Variants in RRP8 observed in about 807,000 individuals in gnomAD.
RRP8 encodes the protein ribosomal RNA-processing protein 8.
Under a neutral mutation model 45.0 loss-of-function variants are expected in RRP8, and 48 were observed. The observed-to-expected ratio is 1.07, with a 90% CI of 0.85 to 1.36. The LOEUF (loss-of-function observed/expected upper bound fraction) is 1.36, where lower values mean the gene tolerates loss of function less well. RRP8 is among the 40% of genes most tolerant of loss of function. The pLI is 0.00. For missense variants in RRP8, 658 were observed against 573.7 expected (o/e 1.15, Z -1.50); for synonymous variants, 274 against 212.4 (o/e 1.29, Z -2.52).
chr11:6,601,447 C>G lies in RRP8; in HGVS notation c.619G>C (p.Val207Leu), dbSNP rs748141989. 6 of 1,614,016 alleles carry G rather than the reference C, an allele frequency of 3.7e-6. No individual in the cohort carries two copies. The highest frequency in any genetic ancestry group is 5.1e-6 in the Non-Finnish European group (6 of 1,180,046). Residue 207 changes from valine to leucine, a missense_variant, in exon 3 of 7, where the codon GTG becomes CTG. Transcript: ENST00000254605. Reference protein sequence around the residue: ...RCKNKFQPPQVPDQAPAEAPT... With the variant: ...RCKNKFQPPQLPDQAPAEAPT... ...GCCTCAGCTGGGGCCTGGTCTGGCACCTGAGGTGGCTGAAACTTGTTCTTA... is the reference window on the plus strand; with the variant it reads ...GCCTCAGCTGGGGCCTGGTCTGGCAGCTGAGGTGGCTGAAACTTGTTCTTA...
chr11:6,600,158 G>T lies in RRP8; in HGVS notation c.1359C>A (p.Tyr453Ter). The T allele has an allele frequency of 6.3e-7, 1 of 1,593,608 alleles. No homozygotes were observed. Among genetic ancestry groups the T allele is most frequent in the Non-Finnish European group, 8.5e-7 (1 of 1,171,294 alleles). ...GAAGATCCAGAGGTCACCTGCGCTT[G>T]TAGAGACATGGCTGAAGCTGCAGGC... ...LSGLQLQPCL[Y>*]KRR Residue 453 changes from tyrosine to a stop codon, truncating the protein, a stop_gained, in exon 7 of 7, where the codon TAC becomes TAA. Transcript: ENST00000254605. LOFTEE classifies it high-confidence loss of function.
At position 6,598,805 on chromosome 11, in the gene RRP8, G is replaced by C. The variant is rs958634793; in HGVS notation, c.*1341C>G. On this transcript the variant is annotated 3_prime_UTR_variant, in exon 7 of 7. Transcript: ENST00000254605. The stretch of plus-strand genomic sequence containing the variant: ...CATAGAACCTATGATCTCCCAATGG[G>C]TACTGTCAGGTATTCCTGGAAACAA... 1 of 152,204 alleles carries C rather than the reference G, an allele frequency of 6.6e-6. No individual in the cohort carries two copies. The highest frequency in any genetic ancestry group is 2.4e-5 in the African/African-American group (1 of 41,432). 9.4% of individuals were successfully genotyped at this position (152,204 alleles called of 1,614,324 possible). A position where few individuals can be genotyped will look rare whatever the true frequency, so the allele number is the denominator to read the frequency against.
intron 2 of RRP8, 118 bp from the exon 3 acceptor site, chr11:6,601,720 G>A (rs12420597): frequency 0.012 from 17,133 of 1,478,134 alleles, 323 homozygotes; most frequent in South Asian, 0.061. Context: ...CTGCAGAGAA[G>A]TACTTCTTAT....
At position 6,601,200 on chromosome 11, in the gene RRP8, T is replaced by C. The variant is rs898704199; in HGVS notation, c.866A>G (p.Lys289Arg). The C allele has an allele frequency of 8.7e-6, 14 of 1,613,670 alleles. No homozygotes were observed. The highest frequency in any genetic ancestry group is 1.7e-5 in the Admixed American group (1 of 59,954). Residue 289 changes from lysine to arginine, a missense_variant, in exon 3 of 7, where the codon AAG becomes AGG. Physicochemically the swap from Lys to Arg is conservative, Grantham distance 26 (BLOSUM62 2). Transcript: ENST00000254605. Reference sequence around the variant, plus strand: ...GTCCACTGGCTGCAGTGGCCACTTCTTCACTTGGCTCTGGAAGCCGCGGTG... The same window carrying C: ...GTCCACTGGCTGCAGTGGCCACTTCCTCACTTGGCTCTGGAAGCCGCGGTG... ...LYHRGFQSQV[K>R]KWPLQPVDRI...
At chr11:6,601,647 T>G in intron 2 of RRP8, 45 bp from the exon 3 acceptor site, 1 of 1,548,866 alleles carries the variant, frequency 6.5e-7, no homozygotes, top group Non-Finnish European at 8.7e-7. Flanking sequence ...CAAGATCTCT[T>G]ACATTCGGAG....
At position 6,600,267 on chromosome 11, in the gene RRP8, TA is replaced by T. The variant is rs759879466; in HGVS notation, c.1252-3del. 8.8e-6 allele frequency: 14 copies of T among 1,582,266 alleles called. No homozygotes were observed. On this transcript the variant is annotated splice_region_variant and splice_polypyrimidine_tract_variant and intron_variant, in intron 6 of 6. Coordinates refer to ENST00000254605, the MANE Select transcript of RRP8 (RefSeq NM_015324.4). ...GAAGAAATGGCTGTTGGTCAGGTCC[TA>T]GGGGCAGAAAAGACCCAGTGAGAAC...
Position 6,599,990 on chromosome 11 carries a change from T to C in RRP8, c.*156A>G, listed in dbSNP as rs1318612237. The C allele has an allele frequency of 2.3e-5, 11 of 486,560 alleles. No homozygotes were observed. In the Admixed American group the frequency reaches 3.2e-4, roughly 14 times the overall value. The allele number at this position is 486,560 out of a possible 1,614,324, so 30.1% of individuals were successfully genotyped here. On this transcript the variant is annotated 3_prime_UTR_variant, in exon 7 of 7. Transcript: ENST00000254605. ...TTATGCATCTTATAACCAAGAAGCC[T>C]TCAGTAGAGCAAGTCTGAGCCAGAG...
rs770203374 is a variant in RRP8, at chr11:6,601,964, G to A, written c.351C>T (p.His117=). 1.2e-6 allele frequency: 2 copies of A among 1,613,964 alleles called. No homozygotes were observed. The highest frequency in any genetic ancestry group is 1.7e-6 in the Non-Finnish European group (2 of 1,179,952). ...EEEVERKKKC[H]KQALVGSDSA... is the part of the protein sequence containing the mutation. ...AGTCACTGCCAACAAGAGCCTGTTT[G>A]TGGCATTTCTTCTTCCTTTCTACTT... Residue 117 remains histidine (H), a synonymous_variant, in exon 2 of 7, where the codon CAC becomes CAT. Transcript: ENST00000254605.
In RRP8 at chr11:6,600,581, C is replaced by G. The variant is rs756684661; in HGVS notation, c.1156G>C (p.Gly386Arg). The G allele has an allele frequency of 1.7e-5, 27 of 1,613,990 alleles. 1 individual carries two copies. The South Asian group carries it at 3.0e-4, about 18-fold the overall frequency. Residue 386 changes from glycine to arginine, a missense_variant and splice_region_variant, in exon 6 of 7, where the codon GGT becomes CGT. By Grantham distance (125) the Gly-to-Arg change is moderately radical. Transcript: ENST00000254605. ...CTGACCTCAGCCACTTTCAGGAGAC[C>G]CCTGAGAAAGACAGAAAGTTCTGTG... ...EEANRVLKPG[G>R]LLKVAEVSSR... is the part of the protein sequence containing the mutation.
In RRP8 at chr11:6,595,309, T is replaced by G. The variant is rs139731015; in HGVS notation, c.*4837A>C. ...GTTATAGGGAATAATGGAACGTATT[T>G]ATACCAGAGTATTAACAATGTAGAA... On this transcript the variant is annotated 3_prime_UTR_variant, in exon 7 of 7. Coordinates refer to ENST00000254605, the MANE Select transcript of RRP8 (RefSeq NM_015324.4). 15 of 152,252 alleles carry G rather than the reference T, an allele frequency of 9.9e-5. No individual in the cohort carries two copies. In the East Asian group the frequency reaches 2.5e-3, roughly 25 times the overall value. The allele number at this position is 152,252 out of a possible 1,614,324, so 9.4% of individuals were successfully genotyped here. A position where few individuals can be genotyped will look rare whatever the true frequency, so the allele number is the denominator to read the frequency against.
rs773324145 is a variant in RRP8 at position 6,601,455 on chromosome 11, G to A, written c.611C>T (p.Pro204Leu). The A allele has an allele frequency of 1.2e-6, 2 of 1,614,112 alleles. No homozygotes were observed. The highest frequency in any genetic ancestry group is 2.2e-5 in the East Asian group (1 of 44,884). The change falls in exon 3 of 7, where the codon CCA becomes CTA. Residue 204 changes from proline (P) to leucine (L), a missense_variant. Physicochemically the swap from Pro to Leu is moderately conservative, Grantham distance 98. Coordinates refer to ENST00000254605, the MANE Select transcript of RRP8 (RefSeq NM_015324.4). ...NKRRCKNKFQ[P>L]PQVPDQAPAE... Reference sequence around the variant, plus strand: ...TGGGGCCTGGTCTGGCACCTGAGGTGGCTGAAACTTGTTCTTACATCTTCT... The same window carrying A: ...TGGGGCCTGGTCTGGCACCTGAGGTAGCTGAAACTTGTTCTTACATCTTCT...
rs1854282760 is a variant in RRP8, at chr11:6,599,120, T to C, written c.*1026A>G. ...TCAGAATCTATTAAAAGTCATTAAA[T>C]AGCCTATGAAGCAGGCCTGTTGAAA... is the stretch of plus-strand genomic sequence containing the variant. On this transcript the variant is annotated 3_prime_UTR_variant, in exon 7 of 7. Transcript: ENST00000254605. The C allele has an allele frequency of 1.3e-5, 2 of 152,222 alleles. No homozygotes were observed. Among genetic ancestry groups the C allele is most frequent in the African/African-American group, 4.8e-5 (2 of 41,438 alleles). 9.4% of individuals were successfully genotyped at this position (152,222 alleles called of 1,614,324 possible).
chr11:6,602,191 C>A lies in RRP8; in HGVS notation c.124G>T (p.Ala42Ser). 2 of 1,572,436 alleles carry A rather than the reference C, an allele frequency of 1.3e-6. No individual in the cohort carries two copies. The highest frequency in any genetic ancestry group is 1.7e-6 in the Non-Finnish European group (2 of 1,161,196). Residue 42 changes from alanine to serine, a missense_variant, in exon 2 of 7, where the codon GCC becomes TCC. Coordinates refer to ENST00000254605, the MANE Select transcript of RRP8 (RefSeq NM_015324.4). ...NKGSKRRQLL[A>S]TLRALEAASL... Reference sequence around the variant, plus strand: ...GCTGCCTCTAGGGCCCGTAATGTGGCCAAGAGCTGGCGGCGCTTGGAGCCC... The same window carrying A: ...GCTGCCTCTAGGGCCCGTAATGTGGACAAGAGCTGGCGGCGCTTGGAGCCC...
chr11:6,600,844 G>A, intron 4 of RRP8, 69 bp from the exon 5 acceptor site: 2 of 1,609,822 alleles, frequency 1.2e-6, no homozygotes, highest in Non-Finnish European at 8.5e-7. Flanking sequence ...GAGATACCAG[G>A]ATGGGAAAGG....
rs774330329 is a variant in RRP8 at position 6,601,235 on chromosome 11, A to G, written c.831T>C (p.Phe277=). The part of the protein sequence containing the change: ...QRLFQEDPEA[F]LLYHRGFQSQ... ...TCTGGAAGCCGCGGTGGTAGAGAAG[A>G]AAAGCCTCAGGGTCTTCCTGGAAGA... Residue 277 remains phenylalanine, a synonymous_variant, in exon 3 of 7, where the codon TTT becomes TTC. Transcript: ENST00000254605. 5 of 1,611,654 alleles carry G rather than the reference A, an allele frequency of 3.1e-6. No individual in the cohort carries two copies. In the South Asian group the frequency reaches 3.3e-5, roughly 11 times the overall value.
In RRP8 at chr11:6,600,487, T is replaced by C. The variant is rs1183776772; in HGVS notation, c.1250A>G (p.Lys417Arg). The C allele has an allele frequency of 1.9e-6, 3 of 1,613,164 alleles. No individual in the cohort carries two copies. The highest frequency in any genetic ancestry group is 2.5e-6 in the Non-Finnish European group (3 of 1,179,906). ...GTACAGATGTCTTGGGGCCCTCACC[T>C]TGGAGACAATCTTGAAGCCTAGCTT... is the stretch of plus-strand genomic sequence containing the variant. ...VTKLGFKIVSKDLTNSHFFLF... is the reference protein window; with the variant it reads ...VTKLGFKIVSRDLTNSHFFLF... Residue 417 changes from lysine (K) to arginine (R), a missense_variant and splice_region_variant, in exon 6 of 7, where the codon AAG becomes AGG. By Grantham distance (26) the Lys-to-Arg change is conservative. Transcript: ENST00000254605.
Position 6,601,997 on chromosome 11 carries a change from A to C in RRP8, c.318T>G (p.Ser106=), listed in dbSNP as rs201454260. 2 of 1,614,114 alleles carry C rather than the reference A, an allele frequency of 1.2e-6. No individual in the cohort carries two copies. The highest frequency in any genetic ancestry group is 1.7e-6 in the Non-Finnish European group (2 of 1,180,012). ...CQKQGPPCSD[S]EEEVERKKKC... The stretch of plus-strand genomic sequence containing the variant: ...TCTTCTTCCTTTCTACTTCTTCCTC[A>C]GAGTCACTGCAAGGTGGGCCCTGTT... Residue 106 remains serine (S), a synonymous_variant, in exon 2 of 7, where the codon TCT becomes TCG. Transcript: ENST00000254605.
rs1854305070 is a variant in RRP8, at chr11:6,600,155, C to T, written c.1362G>A (p.Lys454=). The change falls in exon 7 of 7, where the codon AAG becomes AAA. Residue 454 remains lysine, a synonymous_variant. Transcript: ENST00000254605. ...AAGGAAGATCCAGAGGTCACCTGCG[C>T]TTGTAGAGACATGGCTGAAGCTGCA... ...SGLQLQPCLY[K]RR 6.3e-7 allele frequency: 1 copy of T among 1,592,358 alleles called. No homozygotes were observed. Among genetic ancestry groups the T allele is most frequent in the Non-Finnish European group, 8.5e-7 (1 of 1,170,362 alleles).
intron 1 of RRP8, 80 bp downstream of exon 1, chr11:6,603,324 G>A (rs528303100): frequency 9.7e-7 from 1 of 1,035,716 alleles, no homozygotes; most frequent in East Asian, 2.8e-5. Context: ...GTCCCTCCCC[G>A]CAATACACAC....
Sources: allele counts gnomAD v4.1 joint callset, GRCh38; gene constraint gnomAD v4.1.1; transcripts MANE v1.5; gene names NCBI Gene and HGNC (gene_info 2026-07-23, HGNC 2026-07-21).